The following ADGRL2 variants were observed in gnomAD, a reference collection of about 807,000 sequenced individuals.
ADGRL2 encodes the protein calcium-independent alpha-latrotoxin receptor 2.
In ADGRL2, 44 loss-of-function variants were observed where a neutral mutation model predicts 157.4. The ratio of observed to expected loss-of-function variants is 0.28; its 90% CI spans 0.22 to 0.36. The LOEUF (loss-of-function observed/expected upper bound fraction) is 0.36. Among genes scored for constraint, ADGRL2 ranks in the 10% least tolerant of loss-of-function variants. The pLI is 1.00. For missense variants in ADGRL2, 1,510 were observed against 1,768.9 expected (o/e 0.85, Z 2.63); for synonymous variants, 585 against 624.7 (o/e 0.94, Z 0.95).
At chr1:81,715,655 T>A (rs561058131) in intron 1 of ADGRL2, among the ~76,000 whole-genome samples, 1 of 152,246 alleles carries the variant, frequency 6.6e-6, no homozygotes, top group South Asian at 2.1e-4. Context: ...CCCCACAAGC[T>A]TACCTTCAAA....
chr1:81,948,472 T>A (rs935941614), intron 6 of ADGRL2, among the ~76,000 whole-genome samples: 1 of 152,172 alleles, frequency 6.6e-6, no homozygotes, highest in Non-Finnish European at 1.5e-5. Flanking sequence ...TATCAGGTAG[T>A]GTAGCGCTCA....
intron 3 of ADGRL2, among the ~76,000 whole-genome samples, chr1:81,685,949 T>C (rs1431751142): frequency 1.3e-5 from 2 of 152,206 alleles, no homozygotes; most frequent in Non-Finnish European, 2.9e-5. Flanking sequence ...TATTGACTTG[T>C]ATATGTTAAA....
At chr1:81,525,038 G>C (rs2079419910) in intron 2 of ADGRL2, among the ~76,000 whole-genome samples, 1 of 152,194 alleles carries the variant, frequency 6.6e-6, no homozygotes, top group Non-Finnish European at 1.5e-5. Flanking sequence ...TAAAAAGAGA[G>C]ACTTCTCATA....
At chr1:81,332,765 T>G (rs80049247) in intron 1 of ADGRL2, among the ~76,000 whole-genome samples, 2,652 of 152,286 alleles carry the variant, frequency 0.017, 62 homozygotes, top group South Asian at 0.052. Context: ...CAGTAATACA[T>G]CAAAGCAAGA....
intron 1 of ADGRL2, among the ~76,000 whole-genome samples, chr1:81,442,582 A>C (rs184377398): frequency 1.5e-3 from 222 of 152,316 alleles, no homozygotes; most frequent in African/African-American, 5.1e-3. Flanking sequence ...AAGTCTATGT[A>C]GGAAATTTTC....
intron 2 of ADGRL2, among the ~76,000 whole-genome samples, chr1:81,452,944 G>A (rs1239693796): frequency 6.6e-6 from 1 of 152,148 alleles, no homozygotes; most frequent in Non-Finnish European, 1.5e-5. Context: ...ATTTTAAAAT[G>A]CAGACATTCT....
chr1:81,487,238 T>G (rs894318447), intron 2 of ADGRL2, among the ~76,000 whole-genome samples: 7 of 152,014 alleles, frequency 4.6e-5, no homozygotes, highest in African/African-American at 1.7e-4. Flanking sequence ...TCAGCCATCA[T>G]GACAGAGTGA....
chr1:81,784,157 A>C (rs1439138795), intron 2 of ADGRL2, among the ~76,000 whole-genome samples: 1 of 152,234 alleles, frequency 6.6e-6, no homozygotes, highest in African/African-American at 2.4e-5. Context: ...CATTAACTAG[A>C]GTTAAGTGAC....
intron 2 of ADGRL2, among the ~76,000 whole-genome samples, chr1:81,898,976 T>C (rs1341260): frequency 0.17 from 25,513 of 152,154 alleles, 2,576 homozygotes; most frequent in Middle Eastern, 0.31. Flanking sequence ...AGTCACAGCC[T>C]CACTCTCATA....
At chr1:81,400,314 C>T (rs951962376) in intron 1 of ADGRL2, among the ~76,000 whole-genome samples, 2 of 151,972 alleles carry the variant, frequency 1.3e-5, no homozygotes, top group African/African-American at 4.8e-5. Flanking sequence ...AGTCTGTGAA[C>T]CTATGGTAGC....
At chr1:81,546,587 A>C (rs529985494) in intron 2 of ADGRL2, among the ~76,000 whole-genome samples, 33 of 152,274 alleles carry the variant, frequency 2.2e-4, no homozygotes, top group South Asian at 1.2e-3. Context: ...AATTGATTGG[A>C]TCTTCTTCAT....
At chr1:81,648,838 G>T (rs1292482009) in intron 3 of ADGRL2, among the ~76,000 whole-genome samples, 1 of 152,056 alleles carries the variant, frequency 6.6e-6, no homozygotes, top group African/African-American at 2.4e-5. Flanking sequence ...AATGAAAGAA[G>T]GTTTCAGGGA....
chr1:81,608,038 G>A (rs1452816395), intron 3 of ADGRL2, among the ~76,000 whole-genome samples: 1 of 152,188 alleles, frequency 6.6e-6, no homozygotes, highest in Non-Finnish European at 1.5e-5. Context: ...CATTGTGCAT[G>A]TGTGAGCATT....
chr1:81,710,711 T>A (rs1031249056), intron 1 of ADGRL2, among the ~76,000 whole-genome samples: 1 of 150,948 alleles, frequency 6.6e-6, no homozygotes, highest in African/African-American at 2.4e-5. Context: ...ATGAGAAATT[T>A]AAAAATATTT....
intron 1 of ADGRL2, among the ~76,000 whole-genome samples, chr1:81,350,159 A>G (rs1159955841): frequency 6.6e-6 from 1 of 152,176 alleles, no homozygotes; most frequent in East Asian, 1.9e-4. Context: ...TTTTTAGGGA[A>G]TAAAACAAAA....
chr1:81,505,353 A>C (rs1242046308), intron 2 of ADGRL2, among the ~76,000 whole-genome samples: 1 of 151,236 alleles, frequency 6.6e-6, no homozygotes, highest in African/African-American at 2.4e-5. Context: ...AAGGTGTCTC[A>C]GACATTTGGC....
chr1:81,527,352 G>A (rs1223827193), intron 2 of ADGRL2, among the ~76,000 whole-genome samples: 1 of 152,100 alleles, frequency 6.6e-6, no homozygotes. Context: ...TTAAGAGGGG[G>A]AGTCTCAGGG....
intron 2 of ADGRL2, among the ~76,000 whole-genome samples, chr1:81,895,410 T>C (rs1179941098): frequency 6.7e-6 from 1 of 148,564 alleles, no homozygotes. Flanking sequence ...TTTTTTTTTT[T>C]TTTTTGAGAT....
At chr1:81,619,070 G>C (rs1233397303) in intron 3 of ADGRL2, among the ~76,000 whole-genome samples, 1 of 152,132 alleles carries the variant, frequency 6.6e-6, no homozygotes, top group African/African-American at 2.4e-5. Flanking sequence ...TGATAATCCA[G>C]AGTTCCACAG....
Sources: allele counts gnomAD v4.1 joint callset (sites outside exome capture counted in the v4.1 genomes callset), GRCh38; gene constraint gnomAD v4.1.1; transcripts MANE v1.5; gene names NCBI Gene and HGNC (gene_info 2026-07-23, HGNC 2026-07-21).